Variants in KCNH7 observed in about 807,000 individuals in gnomAD.
KCNH7 encodes potassium voltage-gated channel subfamily H member 7.
KCNH7 carries 49 observed loss-of-function variants against 120.8 expected under a neutral mutation model. The observed-to-expected ratio is 0.41, with a 90% CI of 0.32 to 0.51. The LOEUF is 0.51. KCNH7 is among the 20% of genes least tolerant of loss of function. KCNH7 has a pLI of 0.38. For missense variants in KCNH7, 1,097 were observed against 1,446.6 expected, an observed-to-expected ratio of 0.76 and a Z score of 3.92; for synonymous variants, 547 against 516.1, an observed-to-expected ratio of 1.06 and a Z score of -0.81.
intron 2 of KCNH7, among the ~76,000 whole-genome samples, chr2:162,635,321 C>T (rs1683916362): frequency 6.6e-6 from 1 of 151,940 alleles, no homozygotes; most frequent in Admixed American, 6.6e-5. Flanking sequence ...AATGAAGTTG[C>T]CATTCTTGGG....
chr2:162,502,208 T>C (rs181828215), intron 6 of KCNH7: 1 of 152,120 alleles, frequency 6.6e-6, no homozygotes, highest in South Asian at 2.1e-4. Flanking sequence ...CATCCATTTA[T>C]GCACTCATTT....
chr2:162,761,416 G>A (rs556944599), intron 2 of KCNH7, among the ~76,000 whole-genome samples: 2 of 152,196 alleles, frequency 1.3e-5, no homozygotes, highest in East Asian at 3.9e-4. Flanking sequence ...GCTTTCTCAA[G>A]TTGTTCAAGT....
chr2:162,390,597 A>T (rs1686716421), intron 12 of KCNH7, among the ~76,000 whole-genome samples: 1 of 151,856 alleles, frequency 6.6e-6, no homozygotes, highest in Non-Finnish European at 1.5e-5. Flanking sequence ...TTTCTGTAAT[A>T]ATATTTTACT....
At position 162,373,580 on chromosome 2, in the gene KCNH7, T is replaced by C. The variant is rs1686046282; in HGVS notation, c.3214A>G (p.Ser1072Gly). Reference protein sequence around the residue: ...KQTTVVPPAYSMVTAGSEYQR... With the variant: ...KQTTVVPPAYGMVTAGSEYQR... ...TATTCTGATCCTGCTGTTACCATAC[T>C]GTAGGCTGGGGGGACCACAGTGGTT... The change falls in exon 15 of 16, where the codon AGT (serine) becomes GGT (glycine). Residue 1072 changes from serine (S) to glycine (G), a missense_variant. Coordinates refer to ENST00000332142, the MANE Select transcript of KCNH7 (RefSeq NM_033272.4). 1.3e-6 allele frequency: 2 copies of C among 1,590,142 alleles called. 1 individual carries two copies. Among genetic ancestry groups the C allele is most frequent in the Admixed American group, 3.5e-5 (2 of 56,552 alleles).
intron 9 of KCNH7, among the ~76,000 whole-genome samples, chr2:162,422,416 G>T (rs1160173815): frequency 1.3e-5 from 2 of 152,102 alleles, no homozygotes; most frequent in African/African-American, 4.8e-5. Context: ...TATTTTCTTA[G>T]AAATTCTTAG....
chr2:162,434,403 T>A (rs1016225465), intron 8 of KCNH7, among the ~76,000 whole-genome samples: 2 of 152,096 alleles, frequency 1.3e-5, no homozygotes, highest in African/African-American at 2.4e-5. Context: ...AATTATTTTT[T>A]AAAATACGGT....
At chr2:162,816,257 C>CAAAAAAAAAAAAA in intron 2 of KCNH7, among the ~76,000 whole-genome samples, 1 of 59,988 alleles carries the variant, frequency 1.7e-5, no homozygotes, top group Non-Finnish European at 2.9e-5. Context: ...AACTCCATCT[C>CAAAAAAAAAAAAA]AAAAAAAAAA....
intron 6 of KCNH7, among the ~76,000 whole-genome samples, chr2:162,455,597 T>C (rs1286092108): frequency 6.6e-6 from 1 of 152,206 alleles, no homozygotes; most frequent in Non-Finnish European, 1.5e-5. Flanking sequence ...GGCTATTAAT[T>C]ACTGCCTCAA....
At chr2:162,722,504 G>A (rs544894808) in intron 2 of KCNH7, among the ~76,000 whole-genome samples, 2 of 152,010 alleles carry the variant, frequency 1.3e-5, no homozygotes, top group Non-Finnish European at 2.9e-5. Context: ...TATGTGACAA[G>A]TCATTTTTCT....
chr2:162,776,027 A>G (rs1374019305), intron 2 of KCNH7, among the ~76,000 whole-genome samples: 1 of 152,226 alleles, frequency 6.6e-6, no homozygotes, highest in Non-Finnish European at 1.5e-5. Context: ...CATCTGGCTC[A>G]TAAGCAGTCC....
chr2:162,773,295 C>A (rs1683125829), intron 2 of KCNH7, among the ~76,000 whole-genome samples: 3 of 152,214 alleles, frequency 2.0e-5, no homozygotes, highest in South Asian at 4.1e-4. Flanking sequence ...CGAGACCAGC[C>A]TGGCCAATAT....
intron 2 of KCNH7, among the ~76,000 whole-genome samples, chr2:162,644,604 G>C (rs904443453): frequency 2.0e-5 from 3 of 152,172 alleles, no homozygotes; most frequent in Non-Finnish European, 2.9e-5. Flanking sequence ...TCGCTAGTAA[G>C]AGATAATGGC....
intron 4 of KCNH7, among the ~76,000 whole-genome samples, chr2:162,517,163 C>G (rs1691329692): frequency 6.6e-6 from 1 of 151,672 alleles, no homozygotes; most frequent in African/African-American, 2.4e-5. Flanking sequence ...AGAATAAATT[C>G]TGATTTGCTT....
At chr2:162,534,785 T>C (rs1010790003) in intron 3 of KCNH7, among the ~76,000 whole-genome samples, 1 of 151,622 alleles carries the variant, frequency 6.6e-6, no homozygotes, top group African/African-American at 2.4e-5. Flanking sequence ...ACCAACACCT[T>C]AGAAAATTGC....
intron 2 of KCNH7, among the ~76,000 whole-genome samples, chr2:162,822,258 T>C (rs531497694): frequency 5.9e-5 from 9 of 151,948 alleles, no homozygotes; most frequent in East Asian, 3.9e-4. Flanking sequence ...CAACTTAATA[T>C]GTATTTTAAA....
intron 12 of KCNH7, among the ~76,000 whole-genome samples, chr2:162,392,648 A>T (rs1686777934): frequency 6.6e-6 from 1 of 152,008 alleles, no homozygotes; most frequent in Admixed American, 6.6e-5. Flanking sequence ...GGAACTTATG[A>T]TCTAGAGGCA....
At chr2:162,500,054 A>G (rs1260550010) in intron 6 of KCNH7, among the ~76,000 whole-genome samples, 1 of 151,474 alleles carries the variant, frequency 6.6e-6, no homozygotes, top group African/African-American at 2.4e-5. Flanking sequence ...ACTCAAAGGC[A>G]GAGATTTGCC....
intron 6 of KCNH7, among the ~76,000 whole-genome samples, chr2:162,478,970 C>T (rs549563995): frequency 5.9e-5 from 9 of 152,058 alleles, no homozygotes; most frequent in Admixed American, 3.9e-4. Context: ...GGAAGCAGAA[C>T]GGATCCAAAT....
At chr2:162,408,491 C>T (rs942362141) in intron 9 of KCNH7, among the ~76,000 whole-genome samples, 1 of 152,090 alleles carries the variant, frequency 6.6e-6, no homozygotes, top group African/African-American at 2.4e-5. Flanking sequence ...TATCTACATA[C>T]ATTTTTGCTT....
Sources: allele counts gnomAD v4.1 joint callset (sites outside exome capture counted in the v4.1 genomes callset), GRCh38; gene constraint gnomAD v4.1.1; transcripts MANE v1.5; gene names NCBI Gene and HGNC (gene_info 2026-07-23, HGNC 2026-07-21).